Variants in KIF16B observed in about 807,000 individuals in gnomAD.
The protein encoded by KIF16B is kinesin family member 16B.
In KIF16B, 98 loss-of-function variants were observed where a neutral mutation model predicts 156.3. The observed-to-expected ratio is 0.63, with a 90% confidence interval of 0.53 to 0.74. The LOEUF is 0.74. Ranked by LOEUF, KIF16B falls within the 30% of genes least tolerant of loss-of-function variation. KIF16B has a pLI of 0.00. For synonymous variants in KIF16B, 564 were observed against 583.7 expected (o/e 0.97, Z 0.49); for missense variants, 1,421 against 1,606.5 (o/e 0.88, Z 1.97).
intron 12 of KIF16B, among the ~76,000 whole-genome samples, chr20:16,463,638 CA>C (rs1360139274): frequency 6.6e-6 from 1 of 152,094 alleles, no homozygotes; most frequent in African/African-American, 2.4e-5. Context: ...TGGAATTTAA[CA>C]AGGTGCCCTA....
intron 10 of KIF16B, among the ~76,000 whole-genome samples, chr20:16,498,835 C>A (rs909948135): frequency 1.0e-5 from 1 of 100,416 alleles, no homozygotes; most frequent in Non-Finnish European, 2.6e-5. Flanking sequence ...AAGTTGTCTT[C>A]CCCAGAGACT....
rs570198999 is a variant in KIF16B at position 16,390,013 on chromosome 20, T to C, written c.1785-8266A>G. Among the ~76,000 whole-genome samples, 4 of 152,298 alleles carry C rather than the reference T, an allele frequency of 2.6e-5. No homozygotes were observed. The South Asian group carries it at 8.3e-4, about 32-fold the overall frequency. ...CACAGTAGGCGGACTTACATAAAAT[T>C]ACAATTCGAGGGGTGTGTATCAAGA... is the stretch of plus-strand genomic sequence containing the variant. On this transcript the variant is annotated intron_variant, in intron 17 of 25. Coordinates refer to ENST00000354981, the MANE Select transcript of KIF16B (RefSeq NM_024704.5).
In KIF16B at chr20:16,433,890, T is replaced by G. The variant is rs911746528; in HGVS notation, c.1303-3908A>C. Among the ~76,000 whole-genome samples the G allele has an allele frequency of 2.0e-5, 3 of 152,304 alleles. No homozygotes were observed. The South Asian group carries it at 6.2e-4, about 32-fold the overall frequency. ...AATATTTATTGAGTGGCATCTACTG[T>G]TATACATAATTTATGAAATACCTCT... is the stretch of plus-strand genomic sequence containing the variant. On this transcript the variant is annotated intron_variant, in intron 12 of 25. Coordinates refer to ENST00000354981, the MANE Select transcript of KIF16B (RefSeq NM_024704.5).
chr20:16,314,030 T>C (rs1231492705), intron 24 of KIF16B, among the ~76,000 whole-genome samples: 1 of 152,170 alleles, frequency 6.6e-6, no homozygotes, highest in Non-Finnish European at 1.5e-5. Flanking sequence ...TCCAAAACAG[T>C]TTTAGTAACT....
At chr20:16,274,659 G>GA (rs1486587404) in intron 25 of KIF16B, among the ~76,000 whole-genome samples, 1 of 152,214 alleles carries the variant, frequency 6.6e-6, no homozygotes, top group Admixed American at 6.5e-5. Flanking sequence ...CCTAAGCCTG[G>GA]AGCAGTAGTT....
At chr20:16,508,577 A>G (rs1162282375) in intron 6 of KIF16B, among the ~76,000 whole-genome samples, 1 of 152,124 alleles carries the variant, frequency 6.6e-6, no homozygotes, top group Non-Finnish European at 1.5e-5. Context: ...AATAGGGCTC[A>G]TGCTCCTATG....
intron 1 of KIF16B, among the ~76,000 whole-genome samples, chr20:16,549,688 C>T (rs796788062): frequency 5.1e-4 from 76 of 147,750 alleles, no homozygotes; most frequent in South Asian, 1.6e-3. Context: ...TCAGAAATAA[C>T]GCCGCATACC....
intron 25 of KIF16B, among the ~76,000 whole-genome samples, chr20:16,287,639 G>A (rs988477573): frequency 1.3e-5 from 2 of 152,220 alleles, no homozygotes; most frequent in African/African-American, 4.8e-5. Context: ...TATAGGAAAT[G>A]TGCATTTAAA....
At chr20:16,308,571 C>A (rs2063573326) in intron 25 of KIF16B, among the ~76,000 whole-genome samples, 1 of 152,236 alleles carries the variant, frequency 6.6e-6, no homozygotes, top group Non-Finnish European at 1.5e-5. Flanking sequence ...TTGTGACCCT[C>A]TTTCTCCTCC....
chr20:16,318,144 C>T (rs1298539062), intron 24 of KIF16B, among the ~76,000 whole-genome samples: 1 of 151,762 alleles, frequency 6.6e-6, no homozygotes, highest in Admixed American at 6.5e-5. Flanking sequence ...GGTGTTTTCC[C>T]ACAACAATTA....
chr20:16,295,836 A>G (rs1412545530), intron 25 of KIF16B, among the ~76,000 whole-genome samples: 1 of 152,234 alleles, frequency 6.6e-6, no homozygotes, highest in Non-Finnish European at 1.5e-5. Context: ...ACCATCGGTG[A>G]AAAGTAATGA....
chr20:16,469,254 TAAA>T (rs57114751), intron 12 of KIF16B, among the ~76,000 whole-genome samples: 49 of 66,072 alleles, frequency 7.4e-4, no homozygotes, highest in South Asian at 1.3e-3. Context: ...CCCTGTGTCT[TAAA>T]AAAAAAAAAA....
chr20:16,519,263 T>A (rs182322053), intron 3 of KIF16B, among the ~76,000 whole-genome samples: 10 of 152,236 alleles, frequency 6.6e-5, no homozygotes, highest in African/African-American at 2.4e-4. Context: ...CCCATTCCCA[T>A]CACTGCCATT....
rs80232012 is a variant in KIF16B, at chr20:16,428,517, G to C, written c.1474+436C>G. Among the ~76,000 whole-genome samples the C allele has an allele frequency of 8.0e-3, 1,214 of 152,300 alleles. 13 individuals carry two copies. Among genetic ancestry groups the C allele is most frequent in the African/African-American group, 0.026 (1,065 of 41,568 alleles). On this transcript the variant is annotated intron_variant, in intron 14 of 25. Transcript: ENST00000354981. ...CCATGCTTCCACATGTGTGTATGCT[G>C]TGTTTTCTCCTACTTTCTGTTGTCA...
At chr20:16,398,293 G>C (rs529100271) in intron 17 of KIF16B, among the ~76,000 whole-genome samples, 2 of 152,318 alleles carry the variant, frequency 1.3e-5, no homozygotes, top group East Asian at 3.9e-4. Flanking sequence ...AGTGGAGAGT[G>C]ACTGAAAATA....
intron 15 of KIF16B, among the ~76,000 whole-genome samples, chr20:16,411,831 C>T (rs1244961145): frequency 1.3e-5 from 2 of 151,682 alleles, no homozygotes; most frequent in Non-Finnish European, 2.9e-5. Flanking sequence ...GATTGCGACC[C>T]CATCACATGA....
chr20:16,279,643 G>A (rs776165537), intron 25 of KIF16B, among the ~76,000 whole-genome samples: 1 of 152,022 alleles, frequency 6.6e-6, no homozygotes, highest in Non-Finnish European at 1.5e-5. Flanking sequence ...CTTAGGAAAA[G>A]GTCGATCCTA....
intron 22 of KIF16B, 42 bp from the exon 23 acceptor site, chr20:16,356,494 G>C (rs989293256): frequency 1.2e-6 from 2 of 1,611,074 alleles, no homozygotes; most frequent in African/African-American, 2.7e-5. Context: ...AGAGAAACCA[G>C]AATCACTCCA....
At chr20:16,437,185 T>C (rs1369266440) in intron 12 of KIF16B, among the ~76,000 whole-genome samples, 1 of 152,096 alleles carries the variant, frequency 6.6e-6, no homozygotes, top group East Asian at 1.9e-4. Context: ...CCATCATAGG[T>C]CTAACATATC....
Sources: allele counts gnomAD v4.1 joint callset (sites outside exome capture counted in the v4.1 genomes callset), GRCh38; gene constraint gnomAD v4.1.1; transcripts MANE v1.5; gene names NCBI Gene and HGNC (gene_info 2026-07-23, HGNC 2026-07-21).